ACSS3: variants seen among roughly 807,000 people sequenced by gnomAD.
ACSS3 encodes the protein acyl-CoA synthetase short-chain family member 3, mitochondrial.
Under a neutral mutation model 84.2 loss-of-function variants are expected in ACSS3, and 64 were observed. That is an observed-to-expected ratio of 0.76 (90% CI 0.62 to 0.94). The LOEUF (loss-of-function observed/expected upper bound fraction) is 0.94. Ranked by LOEUF, ACSS3 falls within the 40% of genes least tolerant of loss-of-function variation. ACSS3 has a pLI of 0.00. For missense variants in ACSS3, 815 were observed against 867.6 expected (o/e 0.94, Z 0.76); for synonymous variants, 317 against 310.1 (o/e 1.02, Z -0.23).
At chr12:81,092,593 ATCCCTTTGTGCAGC>A (rs2121340098) in intron 1 of ACSS3, among the ~76,000 whole-genome samples, 1 of 152,248 alleles carries the variant, frequency 6.6e-6, no homozygotes, top group South Asian at 2.1e-4. Flanking sequence ...TTTTAATTTT[ATCCCTTTGTGCAGC>A]CTCTCATTTT....
rs1198277429 is a variant in ACSS3 at position 81,255,492 on chromosome 12, G to T, written c.*570G>T. The T allele has an allele frequency of 6.7e-6, 1 of 148,794 alleles. No homozygotes were observed. Among genetic ancestry groups the T allele is most frequent in the East Asian group, 1.9e-4 (1 of 5,130 alleles). 9.2% of individuals were successfully genotyped at this position (148,794 alleles called of 1,614,324 possible). On this transcript the variant is annotated 3_prime_UTR_variant, in exon 16 of 16. Transcript: ENST00000548058. ...TTCTGAGGGAAAGCAGAACACCGGG[G>T]TTATAGCTATACCTTCAGGTCTTTT...
chr12:81,221,380 C>T (rs985099299), intron 11 of ACSS3, among the ~76,000 whole-genome samples: 1 of 152,030 alleles, frequency 6.6e-6, no homozygotes, highest in Non-Finnish European at 1.5e-5. Flanking sequence ...GAACTCATTA[C>T]TTGGCATTCT....
In ACSS3 at chr12:81,140,673, C is replaced by T. The variant is rs146926601; in HGVS notation, c.780+1408C>T. Among the ~76,000 whole-genome samples the T allele has an allele frequency of 3.0e-4, 46 of 152,246 alleles. No homozygotes were observed. In the East Asian group the frequency reaches 8.7e-3, roughly 29 times the overall value. The stretch of plus-strand genomic sequence containing the variant: ...ATTTTAAGTTTCTTTCAGAAGACCT[C>T]AAGCACTTTTTTTAAAAAAGCTTCT... On this transcript the variant is annotated intron_variant, in intron 4 of 15. Transcript: ENST00000548058.
intron 13 of ACSS3, among the ~76,000 whole-genome samples, chr12:81,251,774 T>C (rs528679912): frequency 2.0e-5 from 3 of 152,016 alleles, no homozygotes; most frequent in African/African-American, 4.8e-5. Flanking sequence ...GCCTGGGAGA[T>C]TGAGGTTGCA....
chr12:81,158,067 A>G (rs768920587), intron 7 of ACSS3, among the ~76,000 whole-genome samples: 8 of 152,064 alleles, frequency 5.3e-5, no homozygotes, highest in Non-Finnish European at 1.0e-4. Flanking sequence ...ATGGCCACAT[A>G]TGGCCATAAA....
At chr12:81,226,395 A>T (rs1202975650) in intron 11 of ACSS3, among the ~76,000 whole-genome samples, 1 of 150,842 alleles carries the variant, frequency 6.6e-6, no homozygotes, top group Non-Finnish European at 1.5e-5. Context: ...CCTGTTTTAT[A>T]CTCTCTCCAC....
At chr12:81,242,400 T>C (rs1433062393) in intron 13 of ACSS3, among the ~76,000 whole-genome samples, 2 of 151,480 alleles carry the variant, frequency 1.3e-5, no homozygotes, top group Non-Finnish European at 1.5e-5. Flanking sequence ...CAGGACCAGA[T>C]GGATTCACAG....
chr12:81,110,828 C>T (rs1883513463), intron 2 of ACSS3, among the ~76,000 whole-genome samples: 1 of 152,146 alleles, frequency 6.6e-6, no homozygotes, highest in Admixed American at 6.5e-5. Flanking sequence ...GAGGCATTTG[C>T]TTTGACATGA....
intron 2 of ACSS3, among the ~76,000 whole-genome samples, chr12:81,132,841 G>A (rs965330993): frequency 3.3e-5 from 5 of 152,204 alleles, no homozygotes; most frequent in South Asian, 2.1e-4. Context: ...AGCTATTCTC[G>A]TTGGTCTCTC....
At chr12:81,084,850 T>A (rs1285169466) in intron 1 of ACSS3, among the ~76,000 whole-genome samples, 2 of 152,238 alleles carry the variant, frequency 1.3e-5, no homozygotes, top group Non-Finnish European at 2.9e-5. Context: ...AGATTCTTGA[T>A]GACTTTCTAT....
At chr12:81,127,252 C>G (rs1215719801) in intron 2 of ACSS3, among the ~76,000 whole-genome samples, 2 of 151,760 alleles carry the variant, frequency 1.3e-5, no homozygotes, top group Non-Finnish European at 2.9e-5. Context: ...CTAGAAGCTT[C>G]TTATGTTATA....
intron 8 of ACSS3, among the ~76,000 whole-genome samples, chr12:81,175,573 C>T (rs761181957): frequency 2.6e-5 from 4 of 152,024 alleles, no homozygotes; most frequent in Non-Finnish European, 4.4e-5. Flanking sequence ...TTCTTATCTG[C>T]GTATGAGAAA....
chr12:81,107,725 T>C (rs1883193888), intron 1 of ACSS3, among the ~76,000 whole-genome samples: 2 of 151,458 alleles, frequency 1.3e-5, no homozygotes, highest in Admixed American at 6.6e-5. Flanking sequence ...TTTATTTCCA[T>C]ATGTCTGCAG....
chr12:81,172,551 G>A (rs1451629639), intron 7 of ACSS3, among the ~76,000 whole-genome samples: 1 of 151,654 alleles, frequency 6.6e-6, no homozygotes, highest in Non-Finnish European at 1.5e-5. Flanking sequence ...CAGGAGAATT[G>A]CTTCAACCCA....
At chr12:81,156,096 A>G (rs761702750) in intron 7 of ACSS3, among the ~76,000 whole-genome samples, 4 of 152,148 alleles carry the variant, frequency 2.6e-5, no homozygotes, top group Non-Finnish European at 5.9e-5. Context: ...AATTAAAAAG[A>G]GTTAACAGGA....
At chr12:81,080,557 A>C (rs7970691) in intron 1 of ACSS3, among the ~76,000 whole-genome samples, 141,125 of 152,024 alleles carry the variant, frequency 0.93, 66,213 homozygotes, top group Non-Finnish European at 1. Flanking sequence ...TTCAATCTTA[A>C]AAGAATTCTG....
rs1886627456 is a variant in ACSS3, at chr12:81,151,894, G to A, written c.972G>A (p.Met324Ile). Residue 324 changes from methionine (M) to isoleucine (I), a missense_variant, in exon 6 of 16, where the codon ATG becomes ATA. Physicochemically the swap from Met to Ile is conservative, Grantham distance 10. Transcript: ENST00000548058. ...GGYAVMLHWS[M>I]SSIYGLQPGE... The stretch of plus-strand genomic sequence containing the variant: ...ACGCTGTCATGCTACACTGGTCAAT[G>A]TCTTCCATATACGGACTTCAACCCG... The A allele has an allele frequency of 6.2e-7, 1 of 1,613,806 alleles. No homozygotes were observed. Among genetic ancestry groups the A allele is most frequent in the Admixed American group, 1.7e-5 (1 of 60,002 alleles).
intron 8 of ACSS3, among the ~76,000 whole-genome samples, chr12:81,178,695 A>G (rs796968659): frequency 1.3e-5 from 2 of 152,338 alleles, no homozygotes; most frequent in African/African-American, 4.8e-5. Flanking sequence ...AGGAAGAATC[A>G]ATATTGTAAA....
At chr12:81,222,837 A>G (rs2135953697) in intron 11 of ACSS3, among the ~76,000 whole-genome samples, 1 of 152,140 alleles carries the variant, frequency 6.6e-6, no homozygotes, top group South Asian at 2.1e-4. Context: ...GCTTTATTAG[A>G]TTACTTACAT....
Sources: allele counts gnomAD v4.1 joint callset (sites outside exome capture counted in the v4.1 genomes callset), GRCh38; gene constraint gnomAD v4.1.1; transcripts MANE v1.5; gene names NCBI Gene and HGNC (gene_info 2026-07-23, HGNC 2026-07-21).